The following SPATA22 variants were observed in gnomAD, a reference collection of about 807,000 sequenced individuals.
SPATA22 encodes the protein spermatogenesis associated 22.
Under a neutral mutation model 47.8 loss-of-function variants are expected in SPATA22, and 29 were observed. The ratio of observed to expected loss-of-function variants is 0.61; its 90% CI spans 0.45 to 0.83. The LOEUF is 0.83. Among genes scored for constraint, SPATA22 ranks in the 40% least tolerant of loss-of-function variants. The pLI, the probability that SPATA22 is intolerant of heterozygous loss-of-function variation, is 0.00. For missense variants in SPATA22, 410 were observed against 421.7 expected (o/e 0.97, Z 0.24); for synonymous variants, 133 against 140.9 (o/e 0.94, Z 0.40).
At chr17:3,500,367 C>G (rs1271110402) in intron 1 of SPATA22, 1 of 152,312 alleles carries the variant, frequency 6.6e-6, no homozygotes, top group Non-Finnish European at 1.5e-5. Flanking sequence ...CTAGGACTTT[C>G]CTAGCTAGAG....
intron 6 of SPATA22, 85 bp downstream of exon 6, chr17:3,448,722 C>A (rs558265111): frequency 7.4e-6 from 7 of 946,304 alleles, no homozygotes; most frequent in Middle Eastern, 3.2e-4. Context: ...TTATTTCAGG[C>A]GCTCTTATCT....
At chr17:3,509,497 A>T (rs1318376143) in intron 1 of SPATA22, among the ~76,000 whole-genome samples, 1 of 152,138 alleles carries the variant, frequency 6.6e-6, no homozygotes, top group Non-Finnish European at 1.5e-5. Flanking sequence ...ACATGATCTC[A>T]TTCCTTTTTA....
intron 5 of SPATA22, among the ~76,000 whole-genome samples, chr17:3,458,351 G>A (rs1435239225): frequency 1.3e-5 from 2 of 151,816 alleles, no homozygotes; most frequent in African/African-American, 2.4e-5. Context: ...GCAGAAAAAA[G>A]GCAATCCTTG....
chr17:3,466,459 C>T (rs1448301608), intron 3 of SPATA22, among the ~76,000 whole-genome samples: 1 of 152,038 alleles, frequency 6.6e-6, no homozygotes, highest in Non-Finnish European at 1.5e-5. Context: ...AGTGGCCTTA[C>T]TTAAAAGATG....
intron 7 of SPATA22, among the ~76,000 whole-genome samples, chr17:3,445,960 A>C (rs1277277575): frequency 6.6e-6 from 1 of 152,136 alleles, no homozygotes; most frequent in East Asian, 1.9e-4. Flanking sequence ...ATAATGAGTC[A>C]TCAAAGCCAT....
At position 3,507,852 on chromosome 17, in the gene SPATA22, C is replaced by A. The variant is rs191915717; in HGVS notation, c.-74+5560G>T. Among the ~76,000 whole-genome samples, 3 of 152,264 alleles carry A rather than the reference C, an allele frequency of 2.0e-5. No homozygotes were observed. In the East Asian group the frequency reaches 5.8e-4, roughly 29 times the overall value. ...TCAAGAACCATAAAAATGTTGAAACCAATTGACCTAGGCATCTCCTTCCCA... is the reference window on the plus strand; with the variant it reads ...TCAAGAACCATAAAAATGTTGAAACAAATTGACCTAGGCATCTCCTTCCCA... On this transcript the variant is annotated intron_variant, in intron 1 of 8. Coordinates refer to the SPATA22 transcript ENST00000541913.
At chr17:3,495,706 T>C (rs1240054773) in intron 1 of SPATA22, among the ~76,000 whole-genome samples, 5 of 152,120 alleles carry the variant, frequency 3.3e-5, no homozygotes, top group African/African-American at 7.2e-5. Flanking sequence ...GTAGCTGGGA[T>C]TACAGGCTCA....
chr17:3,513,790 G>A, exon 1 of SPATA22: 3 of 753,364 alleles, frequency 4.0e-6, no homozygotes, highest in Non-Finnish European at 6.8e-6. Context: ...CTGAGCACGA[G>A]GGTGCACTCT....
In SPATA22 at chr17:3,508,469, T is replaced by A. The variant is rs1467776715; in HGVS notation, c.-74+4943A>T. ...TGCACACGTATGTTTATTGCGGCAC[T>A]ATTCACAACAGCAAAGACTTGGAAC... On this transcript the variant is annotated intron_variant, in intron 1 of 8. Transcript: ENST00000541913. Among the ~76,000 whole-genome samples the A allele has an allele frequency of 2.8e-4, 42 of 150,932 alleles. 1 individual carries two copies. Among genetic ancestry groups the A allele is most frequent in the Admixed American group, 2.8e-3 (42 of 15,098 alleles).
At chr17:3,492,858 C>T (rs917389293) in intron 1 of SPATA22, among the ~76,000 whole-genome samples, 2 of 152,156 alleles carry the variant, frequency 1.3e-5, no homozygotes, top group Admixed American at 6.6e-5. Context: ...AAAAAAAATC[C>T]ACAAAGCCAG....
chr17:3,495,064 T>C (rs1287101404), intron 1 of SPATA22, among the ~76,000 whole-genome samples: 1 of 152,072 alleles, frequency 6.6e-6, no homozygotes, highest in Non-Finnish European at 1.5e-5. Context: ...CCTTGCCTAG[T>C]TTTATCAATA....
At chr17:3,446,324 G>T in intron 7 of SPATA22, 148 bp downstream of exon 7, 1 of 622,006 alleles carries the variant, frequency 1.6e-6, no homozygotes, top group Non-Finnish European at 2.5e-6. Flanking sequence ...ATCTACCACA[G>T]GGACTATTAT....
At chr17:3,453,789 T>C (rs1291413585) in intron 5 of SPATA22, among the ~76,000 whole-genome samples, 2 of 152,130 alleles carry the variant, frequency 1.3e-5, no homozygotes, top group East Asian at 3.8e-4. Context: ...ATTCTGAAAA[T>C]ATTCCAAACT....
At position 3,488,941 on chromosome 17, in the gene SPATA22, T is replaced by C. The variant is rs2073773486; in HGVS notation, c.-73-19543A>G. Among the ~76,000 whole-genome samples the C allele has an allele frequency of 6.6e-6, 1 of 152,226 alleles. No individual in the cohort carries two copies. Among genetic ancestry groups the C allele is most frequent in the Non-Finnish European group, 1.5e-5 (1 of 68,042 alleles). ...TTATGACTTTTAAATATTTTAGCAA[T>C]ACTGAAGGAAATTTAAAGAAAAAAG... On this transcript the variant is annotated intron_variant, in intron 1 of 8. Coordinates refer to the SPATA22 transcript ENST00000541913. The surrounding 1 kb of genome is among the most constrained non-coding windows in gnomAD (Gnocchi z 6.1).
chr17:3,463,944 T>TG (rs2073199166), intron 3 of SPATA22, among the ~76,000 whole-genome samples: 1 of 71,916 alleles, frequency 1.4e-5, no homozygotes, highest in South Asian at 4.8e-4. Flanking sequence ...CCTCTCCCTC[T>TG]CCCTCTGCCT....
rs1392457792 is a variant in SPATA22, at chr17:3,464,884, G to C, written c.173-2117C>G. 8.8e-5 allele frequency among the ~76,000 whole-genome samples: 9 copies of C among 101,896 alleles called. No homozygotes were observed. The East Asian group carries it at 2.0e-3, about 23-fold the overall frequency. The allele number at this position is 101,896 out of a possible 152,430, so 66.8% of individuals were successfully genotyped here. On this transcript the variant is annotated intron_variant, in intron 3 of 8. Transcript: ENST00000572969. ...CCCGGCAGCCACCCCGTCTGGGAGG[G>C]GGGTGGGGGGGGGTCAGCCCCCCAC...
chr17:3,479,002 T>A (rs1325468988), intron 1 of SPATA22, among the ~76,000 whole-genome samples: 1 of 152,172 alleles, frequency 6.6e-6, no homozygotes, highest in Non-Finnish European at 1.5e-5. Context: ...TCCTAAAGGG[T>A]CTCTCTGCAT....
intron 1 of SPATA22, among the ~76,000 whole-genome samples, chr17:3,504,732 T>C (rs937217759): frequency 3.3e-5 from 5 of 151,932 alleles, no homozygotes; most frequent in Admixed American, 6.5e-5. Flanking sequence ...TAATTTTGTA[T>C]TTTTTTAGTA....
Position 3,446,526 on chromosome 17 carries a change from T to A in SPATA22, c.748A>T (p.Met250Leu), listed in dbSNP as rs1440315271. The A allele has an allele frequency of 3.1e-6, 5 of 1,609,864 alleles. No homozygotes were observed. The highest frequency in any genetic ancestry group is 1.7e-5 in the Admixed American group (1 of 59,428). The change falls in exon 7 of 9, where the codon ATG becomes TTG. Residue 250 changes from methionine (M) to leucine (L), a missense_variant. Coordinates refer to ENST00000572969, the MANE Select transcript of SPATA22 (RefSeq NM_001170698.2). ...TGTGCATGTTCACGCCAATACTTCATGCTTTCAATAACTGCAGAAATAATT... is the reference window on the plus strand; with the variant it reads ...TGTGCATGTTCACGCCAATACTTCAAGCTTTCAATAACTGCAGAAATAATT... ...LRIISAVIES[M>L]KYWREHAQKT...
Sources: allele counts gnomAD v4.1 joint callset (sites outside exome capture counted in the v4.1 genomes callset), GRCh38; gene constraint gnomAD v4.1.1; non-coding constraint Gnocchi (gnomAD v3.1); transcripts MANE v1.5; gene names NCBI Gene and HGNC (gene_info 2026-07-23, HGNC 2026-07-21).